Variants in MPP4 observed in about 807,000 individuals in gnomAD.
The protein encoded by MPP4 is MAGUK p55 scaffold protein 4, also known as MAGUK p55 subfamily member 4.
Under a neutral mutation model 98.3 loss-of-function variants are expected in MPP4, and 91 were observed. The observed-to-expected ratio is 0.93, with a 90% confidence interval of 0.78 to 1.10. MPP4 has a LOEUF of 1.10. Among genes scored for constraint, MPP4 ranks in the 50% least tolerant of loss-of-function variants. The pLI, the probability that MPP4 is intolerant of heterozygous loss-of-function variation, is 0.00. For synonymous variants in MPP4, 261 were observed against 271.8 expected, an observed-to-expected ratio of 0.96 and a Z score of 0.39; for missense variants, 744 against 792.9, an observed-to-expected ratio of 0.94 and a Z score of 0.74.
intron 1 of MPP4, chr2:201,697,910 T>C (rs954312853): frequency 1.5e-5 from 15 of 981,354 alleles, no homozygotes; most frequent in Non-Finnish European, 1.8e-5. Context: ...ATGCCTGGCA[T>C]GATGCCTGGC....
intron 11 of MPP4, among the ~76,000 whole-genome samples, chr2:201,674,573 G>A (rs533793787): frequency 5.3e-5 from 8 of 152,282 alleles, no homozygotes; most frequent in South Asian, 2.1e-4. Context: ...GGGGAGATCT[G>A]ATCTAGCCCA....
intron 18 of MPP4, among the ~76,000 whole-genome samples, chr2:201,652,362 G>A (rs922935784): frequency 1.3e-5 from 2 of 152,114 alleles, no homozygotes; most frequent in Non-Finnish European, 2.9e-5. Flanking sequence ...GGGAGGCTGA[G>A]GCAGGAGAAT....
chr2:201,660,039 G>T (rs536902674), intron 15 of MPP4, among the ~76,000 whole-genome samples: 1 of 152,054 alleles, frequency 6.6e-6, no homozygotes, highest in African/African-American at 2.4e-5. Flanking sequence ...TTTTCTTGGG[G>T]ATACATTCAT....
At chr2:201,658,009 A>G (rs1054037004) in intron 16 of MPP4, among the ~76,000 whole-genome samples, 7 of 146,576 alleles carry the variant, frequency 4.8e-5, no homozygotes, top group African/African-American at 1.3e-4. Flanking sequence ...TCCAAAATGC[A>G]TCCAGCTTGG....
At chr2:201,690,693 G>A (rs573027322) in intron 3 of MPP4, among the ~76,000 whole-genome samples, 1 of 152,218 alleles carries the variant, frequency 6.6e-6, no homozygotes, top group Admixed American at 6.5e-5. Flanking sequence ...GGGCGCCTGT[G>A]CAGCATGTGA....
At chr2:201,695,577 G>A (rs951028269) in intron 1 of MPP4, among the ~76,000 whole-genome samples, 4 of 152,142 alleles carry the variant, frequency 2.6e-5, no homozygotes, top group African/African-American at 9.7e-5. Flanking sequence ...ACCACTGTAG[G>A]CAACTAGAGC....
chr2:201,681,465 G>A (rs773960040), intron 9 of MPP4, 31 bp downstream of exon 9: 6 of 1,540,674 alleles, frequency 3.9e-6, no homozygotes, highest in Non-Finnish European at 1.8e-6. Flanking sequence ...GATTTACTGT[G>A]TGTGAGATTG....
chr2:201,658,999 G>A (rs189779060), intron 15 of MPP4, among the ~76,000 whole-genome samples: 80 of 152,218 alleles, frequency 5.3e-4, no homozygotes, highest in African/African-American at 1.8e-3. Flanking sequence ...GGGTTCAAGT[G>A]ATTCTCCTGC....
rs1559005608 is a variant in MPP4, at chr2:201,658,462, T to C, written c.1129+15A>G. On this transcript the variant is annotated intron_variant, in intron 16 of 21. Coordinates refer to ENST00000409474, the MANE Select transcript of MPP4 (RefSeq NM_033066.3). ...CAAGTGACAGAGACCCACCTCTTGT[T>C]AATTTATCACCTACCTATAAAGAAC... 1.9e-6 allele frequency: 3 copies of C among 1,608,932 alleles called. No individual in the cohort carries two copies. Among genetic ancestry groups the C allele is most frequent in the Non-Finnish European group, 2.5e-6 (3 of 1,177,342 alleles).
chr2:201,651,900 C>T, intron 18 of MPP4: 1 of 525,336 alleles, frequency 1.9e-6, no homozygotes, highest in Non-Finnish European at 2.4e-6. Context: ...TTGTAGTGAG[C>T]CGAGATAACA....
chr2:201,664,019 A>C, intron 14 of MPP4, 62 bp downstream of exon 14: 1 of 1,273,850 alleles, frequency 7.9e-7, no homozygotes, highest in Non-Finnish European at 1.1e-6. Flanking sequence ...ATGTGTATAA[A>C]TTGCATCAAA....
intron 19 of MPP4, 22 bp downstream of exon 19, chr2:201,650,050 A>T (rs764654000): frequency 1.7e-5 from 26 of 1,523,844 alleles, no homozygotes; most frequent in Non-Finnish European, 2.2e-5. Context: ...GGTAAGAATC[A>T]GCTTCTGAAC....
intron 21 of MPP4, among the ~76,000 whole-genome samples, chr2:201,647,230 C>T (rs890638202): frequency 1.3e-5 from 2 of 152,174 alleles, no homozygotes; most frequent in African/African-American, 4.8e-5. Flanking sequence ...ACTCACTGAG[C>T]ATTTTTAAAG....
chr2:201,685,814 T>C, intron 6 of MPP4, 105 bp downstream of exon 6: 8 of 1,367,550 alleles, frequency 5.8e-6, no homozygotes, highest in Non-Finnish European at 8.1e-6. Context: ...TCACTGTATA[T>C]GTGATCGCAG....
At chr2:201,657,620 C>CTTTTTTTTTTTTTTTTTTTTTTTT in intron 16 of MPP4, among the ~76,000 whole-genome samples, 1 of 61,688 alleles carries the variant, frequency 1.6e-5, no homozygotes, top group South Asian at 4.8e-4. Context: ...TTTTTTTTTG[C>CTTTTTTTTTTTTTTTTTTTTTTTT]TTATTGTATC....
At chr2:201,695,759 T>C (rs925883117) in intron 1 of MPP4, among the ~76,000 whole-genome samples, 1 of 152,178 alleles carries the variant, frequency 6.6e-6, no homozygotes, top group African/African-American at 2.4e-5. Context: ...TATTTCTGAC[T>C]CTTCCAGCAT....
At position 201,687,443 on chromosome 2, in the gene MPP4, T is replaced by C; in HGVS notation, c.280-72A>G. 2.7e-6 allele frequency: 3 copies of C among 1,130,892 alleles called. No homozygotes were observed. In the East Asian group the frequency reaches 7.7e-5, roughly 29 times the overall value. The allele number at this position is 1,130,892 out of a possible 1,614,324, so 70.1% of individuals were successfully genotyped here. Reference sequence around the variant, plus strand: ...ATCACCTACTTAACCTCACCCAGGCTGGATAACATACATACTAACATGATA... The same window carrying C: ...ATCACCTACTTAACCTCACCCAGGCCGGATAACATACATACTAACATGATA... On this transcript the variant is annotated intron_variant, in intron 4 of 21. Transcript: ENST00000409474.
At chr2:201,686,268 T>C (rs552354380) in intron 5 of MPP4, among the ~76,000 whole-genome samples, 1 of 152,310 alleles carries the variant, frequency 6.6e-6, no homozygotes, top group African/African-American at 2.4e-5. Flanking sequence ...GATAAGGAAA[T>C]AAGGCACAGA....
chr2:201,688,817 A>G (rs1305196213), intron 4 of MPP4, among the ~76,000 whole-genome samples: 1 of 151,946 alleles, frequency 6.6e-6, no homozygotes, highest in Admixed American at 6.6e-5. Flanking sequence ...GGGTTTCGCT[A>G]TGTTGGCCAG....
Sources: allele counts gnomAD v4.1 joint callset (sites outside exome capture counted in the v4.1 genomes callset), GRCh38; gene constraint gnomAD v4.1.1; transcripts MANE v1.5; gene names NCBI Gene and HGNC (gene_info 2026-07-23, HGNC 2026-07-21).